The following ABHD12B variants were observed in gnomAD, a reference collection of about 807,000 sequenced individuals.
The protein encoded by ABHD12B is abhydrolase domain containing 12B, also known as protein ABHD12B.
A neutral mutation model predicts 50.4 loss-of-function variants in ABHD12B; 42 were observed. The ratio of observed to expected loss-of-function variants is 0.83; its 90% CI spans 0.65 to 1.08. The LOEUF (loss-of-function observed/expected upper bound fraction) is 1.08. ABHD12B is among the 50% of genes least tolerant of loss of function. The probability of loss-of-function intolerance (pLI) is 0.00; values close to 1 mark genes in which losing one functional copy is unlikely to be tolerated. For missense variants in ABHD12B, 479 were observed against 447.7 expected, an observed-to-expected ratio of 1.07 and a Z score of -0.63; for synonymous variants, 167 against 160.3, an observed-to-expected ratio of 1.04 and a Z score of -0.32.
At chr14:50,885,556 G>A in intron 5 of ABHD12B, 58 bp from the exon 6 acceptor site, 6 of 1,601,546 alleles carry the variant, frequency 3.7e-6, no homozygotes, top group Non-Finnish European at 5.1e-6. Flanking sequence ...ATAGGGAGGA[G>A]AAGCCTTTTC....
At chr14:50,894,774 C>A (rs557982592) in intron 9 of ABHD12B, among the ~76,000 whole-genome samples, 1 of 150,094 alleles carries the variant, frequency 6.7e-6, no homozygotes, top group East Asian at 1.9e-4. Flanking sequence ...TCCCTCCCGC[C>A]TGTCCCCCCA....
At chr14:50,878,908 G>A (rs1369558699) in intron 3 of ABHD12B, 61 bp downstream of exon 3, 1 of 1,406,602 alleles carries the variant, frequency 7.1e-7, no homozygotes. Flanking sequence ...TTAGGACTCA[G>A]AGGAGCAGTG....
At chr14:50,879,761 A>C (rs1274770887) in intron 3 of ABHD12B, among the ~76,000 whole-genome samples, 1 of 152,202 alleles carries the variant, frequency 6.6e-6, no homozygotes, top group Non-Finnish European at 1.5e-5. Flanking sequence ...TCTCATCAAG[A>C]TCAGCTCATC....
At chr14:50,900,731 T>C (rs1365530287) in intron 9 of ABHD12B, among the ~76,000 whole-genome samples, 1 of 152,096 alleles carries the variant, frequency 6.6e-6, no homozygotes, top group African/African-American at 2.4e-5. Flanking sequence ...AGGCCTGACA[T>C]GTTCCAGAAG....
At chr14:50,890,698 T>C (rs1327105477) in intron 9 of ABHD12B, among the ~76,000 whole-genome samples, 4 of 152,246 alleles carry the variant, frequency 2.6e-5, no homozygotes, top group Non-Finnish European at 5.9e-5. Context: ...CCAAAATTTA[T>C]TGATCTATTG....
At position 50,880,562 on chromosome 14, in the gene ABHD12B, C is replaced by G. The variant is rs1221341501; in HGVS notation, c.446C>G (p.Ala149Gly). The part of the protein sequence containing the change: ...NPIIVYLHGS[A>G]EHRAASHRLK... ...ATTATTGTTTATCTTCATGGCAGTG[C>G]AGAACACAGGTCAGTGGCTCTGCTT... Residue 149 changes from alanine (A) to glycine (G), a missense_variant, in exon 4 of 13, where the codon GCA becomes GGA. Coordinates refer to ENST00000337334, the MANE Select transcript of ABHD12B (RefSeq NM_001206673.2). 6.3e-7 allele frequency: 1 copy of G among 1,595,016 alleles called. No homozygotes were observed. Among genetic ancestry groups the G allele is most frequent in the Non-Finnish European group, 8.5e-7 (1 of 1,170,352 alleles).
intron 9 of ABHD12B, among the ~76,000 whole-genome samples, chr14:50,899,910 A>C (rs2050243828): frequency 6.7e-6 from 1 of 150,162 alleles, no homozygotes; most frequent in Non-Finnish European, 1.5e-5. Context: ...CAACAGAGTG[A>C]GACTCTGTCT....
chr14:50,877,239 T>C (rs1030763683), intron 1 of ABHD12B, among the ~76,000 whole-genome samples: 2 of 152,210 alleles, frequency 1.3e-5, no homozygotes, highest in Non-Finnish European at 2.9e-5. Flanking sequence ...GTCCAGAATA[T>C]AGAGGATCTA....
chr14:50,888,911 T>A lies in ABHD12B; in HGVS notation c.780+8T>A. On this transcript the variant is annotated splice_region_variant and intron_variant, in intron 9 of 12. Coordinates refer to ENST00000337334, the MANE Select transcript of ABHD12B (RefSeq NM_001206673.2). ...AATTATCCCTTGTTAAAGGTGAGAC[T>A]CTGATTCATCTTTACAAGGGATCAA... 1 of 1,612,104 alleles carries A rather than the reference T, an allele frequency of 6.2e-7. No individual in the cohort carries two copies. The highest frequency in any genetic ancestry group is 8.5e-7 in the Non-Finnish European group (1 of 1,178,270).
At chr14:50,901,275 T>C (rs2050257399) in intron 9 of ABHD12B, among the ~76,000 whole-genome samples, 1 of 152,258 alleles carries the variant, frequency 6.6e-6, no homozygotes, top group African/African-American at 2.4e-5. Flanking sequence ...GATTTTGCTA[T>C]TAAACAACAA....
In ABHD12B at chr14:50,878,058, A is replaced by G. The variant is rs2142723024; in HGVS notation, c.211A>G (p.Met71Val). ...ACACGTTTTCCTTCCTCTGATAGAC[A>G]TGCTAATTTATTTTAATTTTTGTAA... ...KEHVFLPLID[M>V]LIYFNFFKAP... The change falls in exon 2 of 13, where the codon ATG becomes GTG. Residue 71 changes from methionine to valine, a missense_variant. Transcript: ENST00000337334. 1 of 1,527,900 alleles carries G rather than the reference A, an allele frequency of 6.5e-7. No individual in the cohort carries two copies. Among genetic ancestry groups the G allele is most frequent in the East Asian group, 2.4e-5 (1 of 40,852 alleles). 94.6% of individuals were successfully genotyped at this position (1,527,900 alleles called of 1,614,324 possible). A position where few individuals can be genotyped will look rare whatever the true frequency, so the allele number is the denominator to read the frequency against.
intron 8 of ABHD12B, among the ~76,000 whole-genome samples, chr14:50,887,165 G>C (rs1217018755): frequency 8.6e-6 from 1 of 116,946 alleles, no homozygotes; most frequent in Non-Finnish European, 1.6e-5. Flanking sequence ...AGTAAGCCGA[G>C]ATTGCCACTG....
chr14:50,877,963 A>G lies in ABHD12B; in HGVS notation c.116A>G (p.His39Arg), dbSNP rs2142722689. ...CCAATACCTTGCAGATATTTTCCAC[A>G]CTCCTGTTCAATGCTCGGAAGAAAA... ...MVDRNLRYFP[H>R]SCSMLGRKIA... is the part of the protein sequence containing the mutation. The change falls in exon 2 of 13, where the codon CAC becomes CGC. Residue 39 changes from histidine to arginine, a missense_variant. Coordinates refer to ENST00000337334, the MANE Select transcript of ABHD12B (RefSeq NM_001206673.2). 6.6e-7 allele frequency: 1 copy of G among 1,522,226 alleles called. No homozygotes were observed. The highest frequency in any genetic ancestry group is 1.7e-4 in the Middle Eastern group (1 of 5,922). The allele number at this position is 1,522,226 out of a possible 1,614,324, so 94.3% of individuals were successfully genotyped here.
intron 5 of ABHD12B, among the ~76,000 whole-genome samples, chr14:50,881,938 TGTCGTTGTTGTG>T (rs200391796): frequency 0.081 from 12,327 of 151,360 alleles, 620 homozygotes; most frequent in Admixed American, 0.11. Context: ...TTTTTTTTGT[TGTCGTTGTTGTG>T]GTTGTTGTTT....
chr14:50,878,230 G>T (rs57026855), intron 2 of ABHD12B, among the ~76,000 whole-genome samples, 151 bp downstream of exon 2: 1,584 of 152,280 alleles, frequency 0.01, 28 homozygotes, highest in African/African-American at 0.036. Context: ...TATTGACTTT[G>T]AAGTCTAGCA....
At chr14:50,873,189 T>A (rs889746513) in intron 1 of ABHD12B, among the ~76,000 whole-genome samples, 1 of 152,164 alleles carries the variant, frequency 6.6e-6, no homozygotes. Flanking sequence ...AGAGTGATGA[T>A]GACAAACGGG....
rs151158319 is a variant in ABHD12B at position 50,903,431 on chromosome 14, G to A, written c.906G>A (p.Glu302=). The A allele has an allele frequency of 4.3e-6, 7 of 1,612,584 alleles. No homozygotes were observed. The highest frequency in any genetic ancestry group is 1.3e-5 in the African/African-American group (1 of 74,816). The change falls in exon 11 of 13, where the codon GAG becomes GAA. Residue 302 remains glutamate, a synonymous_variant. Coordinates refer to ENST00000337334, the MANE Select transcript of ABHD12B (RefSeq NM_001206673.2). ...CTCCTCTTCTCATCTTACATGGAGA[G>A]GATGACAGGACAGTGCCTTTGGAGT... The part of the protein sequence containing the change: ...LSSPLLILHG[E]DDRTVPLEYG...
Position 50,878,084 on chromosome 14 carries a change from G to T in ABHD12B, c.232+5G>T. 6.6e-7 allele frequency: 1 copy of T among 1,514,002 alleles called. No homozygotes were observed. The highest frequency in any genetic ancestry group is 8.8e-7 in the Non-Finnish European group (1 of 1,138,882). The allele number at this position is 1,514,002 out of a possible 1,614,324, so 93.8% of individuals were successfully genotyped here. ...TGCTAATTTATTTTAATTTTTGTAA[G>T]TATGGACCTTCCATAAATTTTCCTA... On this transcript the variant is annotated splice_donor_5th_base_variant and intron_variant, in intron 2 of 12. Transcript: ENST00000337334.
chr14:50,881,355 G>A lies in ABHD12B; in HGVS notation c.456-241G>A, dbSNP rs576009160. ...AGGTGACTCGCCTTTCTCAAGACTC[G>A]CCTTTTCTCAAGGGGCTTTTTTGAT... is the stretch of plus-strand genomic sequence containing the variant. On this transcript the variant is annotated intron_variant, in intron 4 of 12. Transcript: ENST00000337334. Among the ~76,000 whole-genome samples, 13 of 151,794 alleles carry A rather than the reference G, an allele frequency of 8.6e-5. No homozygotes were observed. The East Asian group carries it at 1.4e-3, about 16-fold the overall frequency.
Sources: allele counts gnomAD v4.1 joint callset (sites outside exome capture counted in the v4.1 genomes callset), GRCh38; gene constraint gnomAD v4.1.1; transcripts MANE v1.5; gene names NCBI Gene and HGNC (gene_info 2026-07-23, HGNC 2026-07-21).